Variants in KCNMA1 observed in about 807,000 individuals in gnomAD.
KCNMA1 encodes Calcium-activated potassium channel subunit alpha-1.
KCNMA1 carries 29 observed loss-of-function variants against 140.0 expected under a neutral mutation model. The observed-to-expected ratio is 0.21, with a 90% CI of 0.15 to 0.28. The LOEUF is 0.28. KCNMA1 is among the 10% of genes least tolerant of loss of function. The pLI is 1.00. For missense variants in KCNMA1, 880 were observed against 1,602.2 expected, an observed-to-expected ratio of 0.55 and a Z score of 7.70; for synonymous variants, 612 against 611.9, an observed-to-expected ratio of 1.00 and a Z score of 0.00.
chr10:77,185,981 C>T (rs1033600168), intron 3 of KCNMA1, among the ~76,000 whole-genome samples: 10 of 152,168 alleles, frequency 6.6e-5, no homozygotes, highest in African/African-American at 2.2e-4. Flanking sequence ...CGACAGACCT[C>T]CTCCCTCCAG....
chr10:76,927,076 T>G (rs1351371016), intron 23 of KCNMA1, among the ~76,000 whole-genome samples: 1 of 152,162 alleles, frequency 6.6e-6, no homozygotes, highest in African/African-American at 2.4e-5. Context: ...CCCTCTCAGC[T>G]TTGAGATTTA....
intron 1 of KCNMA1, among the ~76,000 whole-genome samples, chr10:77,622,561 A>G (rs2091665431): frequency 6.6e-6 from 1 of 152,252 alleles, no homozygotes; most frequent in Non-Finnish European, 1.5e-5. Flanking sequence ...TATAATACAT[A>G]TAGTTTAAAA....
At chr10:77,233,789 G>A (rs372260627) in intron 3 of KCNMA1, among the ~76,000 whole-genome samples, 9 of 152,268 alleles carry the variant, frequency 5.9e-5, no homozygotes, top group African/African-American at 2.2e-4. Context: ...ACAGCTCAGG[G>A]CCCTTGTCCA....
intron 14 of KCNMA1, among the ~76,000 whole-genome samples, chr10:77,072,392 C>T (rs1595318943): frequency 6.6e-6 from 1 of 152,218 alleles, no homozygotes; most frequent in Non-Finnish European, 1.5e-5. Context: ...AAACACAATC[C>T]TAACCTGGCC....
chr10:77,238,753 C>T (rs1428926149), intron 3 of KCNMA1, among the ~76,000 whole-genome samples: 2 of 152,162 alleles, frequency 1.3e-5, no homozygotes, highest in African/African-American at 4.8e-5. Context: ...GCAGAAGAAA[C>T]AGGAGTGAAT....
chr10:77,456,097 C>T (rs972153352), intron 1 of KCNMA1, among the ~76,000 whole-genome samples: 11 of 152,200 alleles, frequency 7.2e-5, no homozygotes, highest in African/African-American at 2.7e-4. Context: ...AAGGAAGGCA[C>T]TCTTTGCCAC....
chr10:77,530,412 AT>A (rs1407071815), intron 1 of KCNMA1, among the ~76,000 whole-genome samples: 1 of 152,236 alleles, frequency 6.6e-6, no homozygotes, highest in African/African-American at 2.4e-5. Flanking sequence ...CTAACATAAA[AT>A]GCAGTAAATC....
intron 2 of KCNMA1, among the ~76,000 whole-genome samples, chr10:77,382,879 A>AT (rs1566443608): frequency 4.4e-5 from 5 of 113,328 alleles, no homozygotes; most frequent in Non-Finnish European, 7.8e-5. Context: ...AAAAAAAAAA[A>AT]AAAAAAATAT....
At chr10:76,914,179 AG>A in intron 24 of KCNMA1, 1 of 1,380,474 alleles carries the variant, frequency 7.2e-7, no homozygotes, top group Non-Finnish European at 1.0e-6. Context: ...AAGGGAGTGG[AG>A]GAAAGTACAG....
At chr10:76,907,641 C>A (rs867058832) in intron 25 of KCNMA1, among the ~76,000 whole-genome samples, 1 of 152,116 alleles carries the variant, frequency 6.6e-6, no homozygotes, top group Non-Finnish European at 1.5e-5. Context: ...CAGGCTCAAG[C>A]GATTCTCAGG....
chr10:77,119,709 A>C (rs1564648221), intron 6 of KCNMA1, among the ~76,000 whole-genome samples: 1 of 152,232 alleles, frequency 6.6e-6, no homozygotes, highest in South Asian at 2.1e-4. Context: ...CATTATTGCT[A>C]ATAAACAGAG....
chr10:76,892,628 T>C (rs1249090987), intron 25 of KCNMA1, among the ~76,000 whole-genome samples: 1 of 152,166 alleles, frequency 6.6e-6, no homozygotes, highest in African/African-American at 2.4e-5. Flanking sequence ...TAAGGAAAGA[T>C]GCAATTGCAC....
chr10:76,977,184 A>G (rs899099363), intron 19 of KCNMA1, among the ~76,000 whole-genome samples: 65 of 152,248 alleles, frequency 4.3e-4, no homozygotes, highest in African/African-American at 1.4e-3. Context: ...GTGAGGGACA[A>G]CTTTTAGAGT....
chr10:76,897,322 C>T (rs901108170), intron 25 of KCNMA1, among the ~76,000 whole-genome samples: 5 of 150,468 alleles, frequency 3.3e-5, no homozygotes, highest in African/African-American at 1.2e-4. Flanking sequence ...GTGGCCAACT[C>T]CTAGACCTGT....
At chr10:77,398,612 G>C (rs1045813944) in intron 2 of KCNMA1, among the ~76,000 whole-genome samples, 1 of 152,166 alleles carries the variant, frequency 6.6e-6, no homozygotes, top group Admixed American at 6.5e-5. Context: ...ATTGTTGAAT[G>C]CATTGTTTGC....
chr10:77,001,449 A>T lies in KCNMA1; in HGVS notation c.2224T>A (p.Ser742Thr). ...VDTLERAFPL[S>T]SVSVNDCSTS... ...GAGCAATCATTAACAGAGACAGAAG[A>T]AAGTGGGAAGGCTCTCTCAAGGGTG... The change falls in exon 19 of 28, where the codon TCT becomes ACT. Residue 742 changes from serine (S) to threonine (T), a missense_variant. Physicochemically the swap from Ser to Thr is moderately conservative, Grantham distance 58. Around this residue, in one of 13 missense-constraint regions of KCNMA1, gnomAD observed 196 missense variants for 233.0 expected, o/e 0.84. Coordinates refer to ENST00000286628, the MANE Select transcript of KCNMA1 (RefSeq NM_001161352.2). 1 of 1,551,748 alleles carries T rather than the reference A, an allele frequency of 6.4e-7. No homozygotes were observed. The highest frequency in any genetic ancestry group is 8.7e-7 in the Non-Finnish European group (1 of 1,146,984).
chr10:76,984,090 A>G (rs1258158809), intron 19 of KCNMA1, among the ~76,000 whole-genome samples: 2 of 152,242 alleles, frequency 1.3e-5, no homozygotes. Flanking sequence ...ACAAAACTTA[A>G]CAGAAACTCT....
chr10:76,967,847 G>A (rs2074540997), intron 20 of KCNMA1, among the ~76,000 whole-genome samples: 1 of 152,110 alleles, frequency 6.6e-6, no homozygotes, highest in Non-Finnish European at 1.5e-5. Flanking sequence ...GATGTACCAT[G>A]AAACAGACAG....
chr10:77,331,649 TA>T (rs34133785), intron 2 of KCNMA1, among the ~76,000 whole-genome samples: 43,006 of 148,176 alleles, frequency 0.29, 6,742 homozygotes, highest in Non-Finnish European at 0.37. Context: ...ACAAAACCTT[TA>T]AAAAAAAAAA....
Sources: gnomAD v4.1 joint callset for allele counts (sites outside exome capture counted in the v4.1 genomes callset) on GRCh38, gnomAD v4.1.1 for gene constraint, gnomAD v4.1.1 regional missense constraint, MANE v1.5 for transcripts, NCBI Gene and HGNC (gene_info 2026-07-23, HGNC 2026-07-21) for gene names.